Variants in TTC8 observed in about 807,000 individuals in gnomAD.
TTC8 encodes the protein tetratricopeptide repeat domain 8, also known as tetratricopeptide repeat protein 8.
TTC8 carries 47 observed loss-of-function variants against 72.5 expected under a neutral mutation model. The observed-to-expected ratio is 0.65, with a 90% CI of 0.51 to 0.83. TTC8 has a LOEUF of 0.83. TTC8 is among the 40% of genes least tolerant of loss of function. The pLI is 0.00. For synonymous variants in TTC8, 199 were observed against 221.4 expected (o/e 0.90, Z 0.90); for missense variants, 611 against 623.2 (o/e 0.98, Z 0.21).
intron 2 of TTC8, among the ~76,000 whole-genome samples, chr14:88,838,430 G>A (rs140336907): frequency 7.7e-4 from 117 of 152,118 alleles, no homozygotes; most frequent in African/African-American, 2.7e-3. Context: ...TGTTCCTTTC[G>A]CAGTCCCTTG....
rs551011554 is a variant in TTC8, at chr14:88,869,769, TC to T, written c.910-289del. ...CAAAGTGGCCCCTTCCGCCACCCCT[TC>T]TGAAGCACACTCTCCCTGCTCTCTC... On this transcript the variant is annotated intron_variant, in intron 10 of 14. Transcript: ENST00000380656. Among the ~76,000 whole-genome samples, 16 of 152,252 alleles carry T rather than the reference TC, an allele frequency of 1.1e-4. No individual in the cohort carries two copies. The South Asian group carries it at 3.3e-3, about 32-fold the overall frequency.
intron 8 of TTC8, among the ~76,000 whole-genome samples, chr14:88,855,026 C>T (rs1595962056): frequency 1.3e-5 from 2 of 152,298 alleles, no homozygotes; most frequent in African/African-American, 4.8e-5. Context: ...AAACCAAATT[C>T]AGCATTCCCT....
intron 7 of TTC8, among the ~76,000 whole-genome samples, chr14:88,852,119 C>G (rs1304939223): frequency 6.6e-6 from 1 of 152,184 alleles, no homozygotes; most frequent in Non-Finnish European, 1.5e-5. Context: ...AATCAGAATT[C>G]TCTCTTAACT....
At chr14:88,845,157 G>A (rs1204945126) in intron 7 of TTC8, among the ~76,000 whole-genome samples, 2 of 152,176 alleles carry the variant, frequency 1.3e-5, no homozygotes, top group South Asian at 4.1e-4. Flanking sequence ...TCACTAAATC[G>A]TCCTTATCCT....
intron 2 of TTC8, among the ~76,000 whole-genome samples, chr14:88,838,915 T>C (rs1484877022): frequency 1.3e-5 from 2 of 150,962 alleles, no homozygotes. Context: ...ACCATAGATA[T>C]TATGGAAAAT....
At chr14:88,861,125 C>T (rs1046863920) in intron 9 of TTC8, 97 bp from the exon 10 acceptor site, 1 of 947,016 alleles carries the variant, frequency 1.1e-6, no homozygotes, top group Non-Finnish European at 1.6e-6. Flanking sequence ...AATGTAATAT[C>T]TAGGAGATAA....
intron 2 of TTC8, chr14:88,836,969 G>C (rs987828883): frequency 4.5e-6 from 1 of 223,462 alleles, no homozygotes; most frequent in African/African-American, 2.4e-5. Context: ...GCTGAGGCAG[G>C]AGAATTGCTT....
intron 10 of TTC8, among the ~76,000 whole-genome samples, chr14:88,868,953 G>A (rs2094922238): frequency 6.6e-6 from 1 of 152,162 alleles, no homozygotes; most frequent in African/African-American, 2.4e-5. Context: ...GATGCAATCT[G>A]TGTATGAGTA....
intron 1 of TTC8, among the ~76,000 whole-genome samples, chr14:88,829,723 G>A (rs921000856): frequency 1.3e-5 from 2 of 152,170 alleles, no homozygotes; most frequent in African/African-American, 4.8e-5. Flanking sequence ...GTTACAGAGA[G>A]GAGGGGGTTA....
rs1232288399 is a variant in TTC8, at chr14:88,857,696, G to A, written c.798+419G>A. Among the ~76,000 whole-genome samples, 3 of 152,206 alleles carry A rather than the reference G, an allele frequency of 2.0e-5. No homozygotes were observed. The East Asian group carries it at 5.8e-4, about 29-fold the overall frequency. ...ATAAAAATAATACTTCACCTTTATT[G>A]ATCACCTACTCAGTGTAAAACATTT... On this transcript the variant is annotated intron_variant, in intron 9 of 14. Coordinates refer to ENST00000380656, the MANE Select transcript of TTC8 (RefSeq NM_144596.4).
Position 88,849,663 on chromosome 14 carries a change from G to A in TTC8, c.625-3308G>A, listed in dbSNP as rs1017614955. On this transcript the variant is annotated intron_variant, in intron 7 of 14. Coordinates refer to ENST00000380656, the MANE Select transcript of TTC8 (RefSeq NM_144596.4). The stretch of plus-strand genomic sequence containing the variant: ...TGTTGTGGGGGTGGGCAGTATCAAC[G>A]AAACTCAGGGGACACGTGGGCTGGT... Among the ~76,000 whole-genome samples, 18 of 152,128 alleles carry A rather than the reference G, an allele frequency of 1.2e-4. 1 individual carries two copies. Among genetic ancestry groups the A allele is most frequent in the Admixed American group, 7.2e-4 (11 of 15,268 alleles).
chr14:88,847,236 T>C (rs752796985), intron 7 of TTC8, among the ~76,000 whole-genome samples: 10 of 152,082 alleles, frequency 6.6e-5, no homozygotes, highest in Non-Finnish European at 1.3e-4. Flanking sequence ...AATAGACGGG[T>C]GTAATGCCAG....
rs747980316 is a variant in TTC8 at position 88,872,422 on chromosome 14, G to T, written c.1317G>T (p.Val439=). The T allele has an allele frequency of 6.2e-6, 10 of 1,614,008 alleles. No homozygotes were observed. Among genetic ancestry groups the T allele is most frequent in the Non-Finnish European group, 8.5e-6 (10 of 1,179,928 alleles). ...NHAEAYNNLA[V]LEMRKGHVEQ... ...CCGAGGCCTACAACAACCTGGCTGT[G>T]CTGGAGATGCGGAAGGGCCACGTTG... The change falls in exon 13 of 15, where the codon GTG becomes GTT. Residue 439 remains valine (V), a synonymous_variant. Transcript: ENST00000380656.
intron 6 of TTC8, among the ~76,000 whole-genome samples, chr14:88,842,942 T>A (rs1053859617): frequency 5.0e-5 from 7 of 141,088 alleles, no homozygotes; most frequent in Admixed American, 7.1e-5. Flanking sequence ...GAAGGATTGT[T>A]ATAGGTTTGT....
intron 6 of TTC8, among the ~76,000 whole-genome samples, chr14:88,842,523 G>A (rs1000212876): frequency 6.6e-6 from 1 of 152,158 alleles, no homozygotes; most frequent in African/African-American, 2.4e-5. Context: ...GTGGAGTAGT[G>A]AAAGCAACTC....
chr14:88,864,533 T>C (rs1007894214), intron 10 of TTC8, among the ~76,000 whole-genome samples: 1 of 152,242 alleles, frequency 6.6e-6, no homozygotes, highest in Non-Finnish European at 1.5e-5. Flanking sequence ...TCCAAGCCTC[T>C]GTTACAGTCA....
chr14:88,856,534 A>G (rs1384173353), intron 8 of TTC8, among the ~76,000 whole-genome samples: 2 of 152,182 alleles, frequency 1.3e-5, no homozygotes, highest in Non-Finnish European at 1.5e-5. Context: ...TGTGTGTTTT[A>G]ATGATTGAAT....
At position 88,849,555 on chromosome 14, in the gene TTC8, G is replaced by A. The variant is rs78114648; in HGVS notation, c.625-3416G>A. 4.5e-3 allele frequency among the ~76,000 whole-genome samples: 685 copies of A among 152,106 alleles called. 3 individuals are homozygous for A. The highest frequency in any genetic ancestry group is 0.041 in the Middle Eastern group (12 of 294). ...ACAAATATAAGAAATACCTTGAAAT[G>A]GTGTTTAAATATTAAGAAAGTATAA... is the stretch of plus-strand genomic sequence containing the variant. On this transcript the variant is annotated intron_variant, in intron 7 of 14. Transcript: ENST00000380656.
intron 6 of TTC8, among the ~76,000 whole-genome samples, chr14:88,842,159 G>C (rs944519684): frequency 6.6e-6 from 1 of 152,160 alleles, no homozygotes; most frequent in African/African-American, 2.4e-5. Flanking sequence ...TTGAGGGTGA[G>C]CTTGCAATAA....
Sources: allele counts gnomAD v4.1 joint callset (sites outside exome capture counted in the v4.1 genomes callset), GRCh38; gene constraint gnomAD v4.1.1; transcripts MANE v1.5; gene names NCBI Gene and HGNC (gene_info 2026-07-23, HGNC 2026-07-21).